Variants in PTPRN2 observed in about 807,000 individuals in gnomAD.
PTPRN2 encodes the protein protein tyrosine phosphatase receptor type N2.
Under a neutral mutation model 118.8 loss-of-function variants are expected in PTPRN2, and 74 were observed. The observed-to-expected ratio is 0.62, with a 90% CI of 0.52 to 0.76. The LOEUF (loss-of-function observed/expected upper bound fraction) is 0.76. PTPRN2 is among the 30% of genes least tolerant of loss of function. PTPRN2 has a pLI of 0.00. For missense variants in PTPRN2, 1,481 were observed against 1,394.4 expected, an observed-to-expected ratio of 1.06 and a Z score of -0.99; for synonymous variants, 641 against 608.0, an observed-to-expected ratio of 1.05 and a Z score of -0.80.
intron 12 of PTPRN2, among the ~76,000 whole-genome samples, chr7:157,832,191 C>T (rs1308493030): frequency 2.0e-5 from 3 of 152,238 alleles, no homozygotes; most frequent in African/African-American, 7.2e-5. Flanking sequence ...TTAAGCCGCA[C>T]TACCACTGTG....
chr7:157,682,658 G>T, intron 13 of PTPRN2, 67 bp downstream of exon 13: 1 of 1,471,838 alleles, frequency 6.8e-7, no homozygotes, highest in Non-Finnish European at 9.4e-7. Flanking sequence ...GGCCAGAGAG[G>T]AACGCCATCA....
chr7:157,988,307 T>G (rs1048937245), intron 11 of PTPRN2, among the ~76,000 whole-genome samples: 4 of 150,816 alleles, frequency 2.7e-5, no homozygotes, highest in African/African-American at 9.7e-5. Context: ...TCTGTCTCTC[T>G]CTCTCATTTC....
intron 12 of PTPRN2, among the ~76,000 whole-genome samples, chr7:157,700,406 T>G (rs1325655516): frequency 6.6e-6 from 1 of 152,174 alleles, no homozygotes; most frequent in African/African-American, 2.4e-5. Context: ...CAGTTACTTT[T>G]CCTCCACTGG....
At chr7:157,574,443 G>T (rs1323474830) in intron 19 of PTPRN2, 2 of 528,656 alleles carry the variant, frequency 3.8e-6, no homozygotes, top group African/African-American at 3.9e-5. Flanking sequence ...CAAGGTAAGG[G>T]TTTGTCCGTT....
chr7:158,070,275 ATGGTGGAGGTGCTCGTGG>A (rs1438171041), intron 11 of PTPRN2, among the ~76,000 whole-genome samples: 4 of 139,838 alleles, frequency 2.9e-5, no homozygotes, highest in Non-Finnish European at 6.0e-5. Context: ...GGAGGTGCTC[ATGGTGGAGGTGCTCGTGG>A]TGGTGGAGGT....
At chr7:158,237,934 CG>C in intron 3 of PTPRN2, among the ~76,000 whole-genome samples, 1 of 152,274 alleles carries the variant, frequency 6.6e-6, no homozygotes, top group East Asian at 1.9e-4. Flanking sequence ...GCCCGCAGCC[CG>C]GCGGCTGCCA....
chr7:158,210,336 C>T (rs1175173900), intron 3 of PTPRN2, among the ~76,000 whole-genome samples: 1 of 151,770 alleles, frequency 6.6e-6, no homozygotes, highest in African/African-American at 2.4e-5. Flanking sequence ...GGGGTTTCAC[C>T]GTGTTAGCCA....
In PTPRN2 at chr7:157,656,493, G is replaced by A. The variant is rs746049451; in HGVS notation, c.2060C>T (p.Thr687Met). Reference protein sequence around the residue: ...RPPDRPEGPHTSRISSVSSQF... With the variant: ...RPPDRPEGPHMSRISSVSSQF... ...GGATGAGACGCTGCTGATGCGTGAC[G>A]TGTGCGGGCCCTCAGGTCGGTCTGG... is the stretch of plus-strand genomic sequence containing the variant. Residue 687 changes from threonine to methionine, a missense_variant, in exon 14 of 23, where the codon ACG (threonine) becomes ATG (methionine). Around this residue, in one of 3 missense-constraint regions of PTPRN2, gnomAD observed 1,115 missense variants for 994.2 expected, o/e 1.12. Transcript: ENST00000389418. 12 of 1,554,100 alleles carry A rather than the reference G, an allele frequency of 7.7e-6. No individual in the cohort carries two copies. Among genetic ancestry groups the A allele is most frequent in the African/African-American group, 4.1e-5 (3 of 73,450 alleles).
intron 2 of PTPRN2, among the ~76,000 whole-genome samples, chr7:158,486,979 T>C (rs994607292): frequency 2.6e-5 from 4 of 152,232 alleles, no homozygotes; most frequent in African/African-American, 9.6e-5. Context: ...CTTCTGTCTC[T>C]ATGAACTTGA....
chr7:158,463,489 AC>A (rs1349675114), intron 2 of PTPRN2, among the ~76,000 whole-genome samples: 3 of 151,940 alleles, frequency 2.0e-5, no homozygotes, highest in Non-Finnish European at 1.5e-5. Flanking sequence ...CATCATCATT[AC>A]CATTACCATC....
chr7:158,105,906 C>G (rs758776361), intron 10 of PTPRN2, among the ~76,000 whole-genome samples: 6 of 151,524 alleles, frequency 4.0e-5, no homozygotes, highest in Non-Finnish European at 8.8e-5. Context: ...GGCTCCATCA[C>G]TACTCCATCT....
chr7:158,183,787 G>T (rs59914791), intron 5 of PTPRN2, among the ~76,000 whole-genome samples: 1 of 152,076 alleles, frequency 6.6e-6, no homozygotes, highest in Non-Finnish European at 1.5e-5. Flanking sequence ...TCACAGTGTA[G>T]GCTGCAGCCT....
intron 11 of PTPRN2, among the ~76,000 whole-genome samples, chr7:158,019,147 C>A (rs746604007): frequency 2.6e-5 from 4 of 152,250 alleles, no homozygotes; most frequent in Non-Finnish European, 4.4e-5. Flanking sequence ...CACCGAAGGG[C>A]TCACGCAGGC....
At chr7:157,700,203 T>C (rs1797996974) in intron 12 of PTPRN2, among the ~76,000 whole-genome samples, 4 of 152,236 alleles carry the variant, frequency 2.6e-5, no homozygotes, top group Admixed American at 2.6e-4. Flanking sequence ...TGACTGTCCT[T>C]GTCTCCAAAT....
At chr7:157,657,649 T>C (rs1175437222) in intron 13 of PTPRN2, among the ~76,000 whole-genome samples, 6 of 38,638 alleles carry the variant, frequency 1.6e-4, no homozygotes, top group Admixed American at 3.4e-4. Flanking sequence ...ACATCACACA[T>C]ATACACACAC....
chr7:158,410,226 G>T (rs1319591720), intron 2 of PTPRN2, among the ~76,000 whole-genome samples: 2 of 152,052 alleles, frequency 1.3e-5, no homozygotes, highest in African/African-American at 4.8e-5. Flanking sequence ...ACCACACAAG[G>T]CCCGCTCCCT....
chr7:158,129,490 ACAC>A (rs1189362908), intron 9 of PTPRN2, among the ~76,000 whole-genome samples: 7 of 120,070 alleles, frequency 5.8e-5, no homozygotes, highest in African/African-American at 1.5e-4. Flanking sequence ...CACACAGCAC[ACAC>A]ACACACCATG....
chr7:158,260,852 G>C (rs1206590693), intron 3 of PTPRN2, among the ~76,000 whole-genome samples: 1 of 152,178 alleles, frequency 6.6e-6, no homozygotes, highest in Non-Finnish European at 1.5e-5. Context: ...GCACAGGCCG[G>C]GACCCAGCAT....
intron 6 of PTPRN2, among the ~76,000 whole-genome samples, chr7:158,155,016 A>T (rs1316333622): frequency 1.3e-5 from 2 of 152,270 alleles, no homozygotes; most frequent in Non-Finnish European, 2.9e-5. Context: ...CAAGAATATC[A>T]AAGTAAAACG....
Sources: gnomAD v4.1 joint callset for allele counts (sites outside exome capture counted in the v4.1 genomes callset) on GRCh38, gnomAD v4.1.1 for gene constraint, gnomAD v4.1.1 regional missense constraint, MANE v1.5 for transcripts, NCBI Gene and HGNC (gene_info 2026-07-23, HGNC 2026-07-21) for gene names.